MARCHF5: variants seen among roughly 807,000 people sequenced by gnomAD.
MARCHF5 encodes the protein membrane associated ring-CH-type finger 5.
MARCHF5 carries 5 observed loss-of-function variants against 36.5 expected under a neutral mutation model. The observed-to-expected ratio is 0.14, with a 90% CI of 0.07 to 0.29. MARCHF5 has a LOEUF of 0.29. MARCHF5 is among the 10% of genes least tolerant of loss of function. The probability of loss-of-function intolerance (pLI) is 1.00; values close to 1 mark genes in which losing one functional copy is unlikely to be tolerated. For synonymous variants in MARCHF5, 103 were observed against 109.9 expected (o/e 0.94, Z 0.39); for missense variants, 179 against 336.3 (o/e 0.53, Z 3.66).
At position 92,291,464 on chromosome 10, in the gene MARCHF5, G is replaced by A. The variant is rs1353285083; in HGVS notation, c.-31G>A. On this transcript the variant is annotated 5_prime_UTR_variant, in exon 1 of 6. Transcript: ENST00000358935. ...GGCCTGGCCTTGAGCGGGTCCACTGGGGAAGGCCGTGTGCGCCGGCTCCGC... is the reference window on the plus strand; with the variant it reads ...GGCCTGGCCTTGAGCGGGTCCACTGAGGAAGGCCGTGTGCGCCGGCTCCGC... 1.4e-5 allele frequency: 21 copies of A among 1,534,800 alleles called. No individual in the cohort carries two copies. Among genetic ancestry groups the A allele is most frequent in the Non-Finnish European group, 1.8e-6 (2 of 1,133,086 alleles).
intron 3 of MARCHF5, among the ~76,000 whole-genome samples, chr10:92,347,516 A>T (rs1167739631): frequency 6.0e-4 from 27 of 44,882 alleles, no homozygotes; most frequent in Middle Eastern, 0.011. Context: ...ATAGATAGAT[A>T]GATAGATGAT....
At chr10:92,318,732 CTT>C (rs1166400391) in intron 2 of MARCHF5, among the ~76,000 whole-genome samples, 1 of 151,896 alleles carries the variant, frequency 6.6e-6, no homozygotes, top group East Asian at 1.9e-4. Context: ...GAATCTCACT[CTT>C]GTCTCCCAGG....
intron 2 of MARCHF5, among the ~76,000 whole-genome samples, chr10:92,325,609 C>A (rs1282768386): frequency 2.0e-5 from 3 of 152,142 alleles, no homozygotes; most frequent in African/African-American, 7.2e-5. Context: ...GCTATTTCAG[C>A]TCTCTTATAT....
chr10:92,337,601 G>A (rs563984009), intron 2 of MARCHF5, among the ~76,000 whole-genome samples: 22 of 151,502 alleles, frequency 1.5e-4, no homozygotes, highest in African/African-American at 4.8e-4. Context: ...AAGCAGTGGG[G>A]CAAAAAGGCT....
intron 2 of MARCHF5, among the ~76,000 whole-genome samples, chr10:92,336,341 G>A (rs1405389192): frequency 6.6e-6 from 1 of 151,992 alleles, no homozygotes; most frequent in Admixed American, 6.6e-5. Flanking sequence ...CCGGCCTGGA[G>A]CTTATTTTCC....
At chr10:92,345,696 T>C (rs201211929) in intron 3 of MARCHF5, among the ~76,000 whole-genome samples, 256 of 128,226 alleles carry the variant, frequency 2.0e-3, no homozygotes, top group South Asian at 6.3e-3. Context: ...TTTTTTTTTT[T>C]CTTTTTTTTT....
chr10:92,322,614 ATT>A (rs763623132), intron 2 of MARCHF5, among the ~76,000 whole-genome samples: 12 of 119,184 alleles, frequency 1.0e-4, no homozygotes, highest in African/African-American at 1.3e-4. Flanking sequence ...TAGTTTTTGT[ATT>A]TTTTTTTTTT....
chr10:92,291,763 T>G (rs1842870902), intron 1 of MARCHF5, among the ~76,000 whole-genome samples: 1 of 152,226 alleles, frequency 6.6e-6, no homozygotes, highest in South Asian at 2.1e-4. Context: ...CTGGTTTCCT[T>G]GGAACCCCGT....
Position 92,352,719 on chromosome 10 carries a change from T to C in MARCHF5, c.*1512T>C, listed in dbSNP as rs1843733733. On this transcript the variant is annotated 3_prime_UTR_variant, in exon 6 of 6. Transcript: ENST00000358935. ...AAGACTGGTTTCTATAGTATGAATG[T>C]CTTAATTTTGAGTTATATGATGTTT... 6.6e-6 allele frequency: 1 copy of C among 152,598 alleles called. No individual in the cohort carries two copies. Among genetic ancestry groups the C allele is most frequent in the Non-Finnish European group, 1.5e-5 (1 of 68,028 alleles). 9.5% of individuals were successfully genotyped at this position (152,598 alleles called of 1,614,324 possible).
intron 2 of MARCHF5, among the ~76,000 whole-genome samples, chr10:92,331,388 CA>C (rs1388998871): frequency 6.6e-6 from 1 of 152,042 alleles, no homozygotes; most frequent in Non-Finnish European, 1.5e-5. Flanking sequence ...ACAAACAAAA[CA>C]AACAGCAATT....
intron 2 of MARCHF5, among the ~76,000 whole-genome samples, chr10:92,328,835 T>TA (rs1843402486): frequency 6.9e-6 from 1 of 145,282 alleles, no homozygotes; most frequent in Non-Finnish European, 1.5e-5. Flanking sequence ...TTTTTTTTTT[T>TA]ACAGGAATAT....
intron 5 of MARCHF5, 46 bp downstream of exon 5, chr10:92,349,883 G>T (rs1425723560): frequency 8.7e-6 from 13 of 1,496,626 alleles, no homozygotes; most frequent in Non-Finnish European, 1.2e-5. Context: ...AAAAGAGAAT[G>T]AAGTGTATTT....
chr10:92,330,722 C>T (rs1843426039), intron 2 of MARCHF5, among the ~76,000 whole-genome samples: 2 of 152,196 alleles, frequency 1.3e-5, no homozygotes, highest in Non-Finnish European at 2.9e-5. Context: ...TAATAGCTGA[C>T]ACAAGATCGT....
chr10:92,299,916 C>G (rs1211940719), intron 1 of MARCHF5, among the ~76,000 whole-genome samples: 1 of 152,056 alleles, frequency 6.6e-6, no homozygotes, highest in Non-Finnish European at 1.5e-5. Flanking sequence ...GGGCTGGGCA[C>G]TTTGGGAGGC....
chr10:92,325,729 G>A (rs1463558818), intron 2 of MARCHF5, among the ~76,000 whole-genome samples: 2 of 152,050 alleles, frequency 1.3e-5, no homozygotes, highest in African/African-American at 4.8e-5. Context: ...ACAGGCTGGA[G>A]TGCAGCTGCA....
At chr10:92,309,020 A>G (rs1843112765) in intron 1 of MARCHF5, among the ~76,000 whole-genome samples, 1 of 152,184 alleles carries the variant, frequency 6.6e-6, no homozygotes, top group African/African-American at 2.4e-5. Flanking sequence ...CATGCTTTAA[A>G]TGTCAGTTCT....
intron 2 of MARCHF5, among the ~76,000 whole-genome samples, chr10:92,329,074 T>C (rs1843406731): frequency 1.3e-5 from 2 of 152,184 alleles, no homozygotes; most frequent in African/African-American, 4.8e-5. Flanking sequence ...GTCACTCTAA[T>C]GTTTTCATTC....
chr10:92,337,121 C>A (rs1353125392), intron 2 of MARCHF5, among the ~76,000 whole-genome samples: 616 of 129,022 alleles, frequency 4.8e-3, no homozygotes, highest in Non-Finnish European at 5.3e-3. Context: ...GACTCTGTCT[C>A]AAAAAAAAAA....
chr10:92,318,011 A>G (rs184613524), intron 2 of MARCHF5, among the ~76,000 whole-genome samples: 2,201 of 152,208 alleles, frequency 0.014, 53 homozygotes, highest in African/African-American at 0.049. Context: ...TAAGCCTCCC[A>G]AAGTGCTGGG....
Sources: allele counts gnomAD v4.1 joint callset (sites outside exome capture counted in the v4.1 genomes callset), GRCh38; gene constraint gnomAD v4.1.1; transcripts MANE v1.5; gene names NCBI Gene and HGNC (gene_info 2026-07-23, HGNC 2026-07-21).